The following SMYD3 variants were observed in gnomAD, a reference collection of about 807,000 sequenced individuals.
The protein encoded by SMYD3 is histone-lysine N-methyltransferase SMYD3.
A neutral mutation model predicts 57.7 loss-of-function variants in SMYD3; 36 were observed. That is an observed-to-expected ratio of 0.62 (90% CI 0.48 to 0.82). The LOEUF is 0.82. Among genes scored for constraint, SMYD3 ranks in the 40% least tolerant of loss-of-function variants. The pLI is 0.00. For missense variants in SMYD3, 515 were observed against 538.8 expected (o/e 0.96, Z 0.44); for synonymous variants, 211 against 195.0 (o/e 1.08, Z -0.68).
intron 5 of SMYD3, among the ~76,000 whole-genome samples, chr1:245,938,542 T>G (rs533066264): frequency 6.6e-6 from 1 of 152,370 alleles, no homozygotes; most frequent in East Asian, 1.9e-4. Flanking sequence ...TCCTTTATTT[T>G]TGGAAATATA....
chr1:246,425,844 T>G (rs922866676), intron 1 of SMYD3, among the ~76,000 whole-genome samples: 2 of 152,244 alleles, frequency 1.3e-5, no homozygotes, highest in African/African-American at 4.8e-5. Context: ...GAACAAGGGA[T>G]GCCTTTAGTT....
chr1:245,880,080 G>A (rs1356195276), intron 8 of SMYD3, among the ~76,000 whole-genome samples: 1 of 152,212 alleles, frequency 6.6e-6, no homozygotes, highest in African/African-American at 2.4e-5. Context: ...GTGCGTTGCT[G>A]TACACGCCAG....
rs1480876186 is a variant in SMYD3, at chr1:246,337,245, T to TA, written c.229-1772dup. ...AACACAATATCATGTTGACCCTACT[T>TA]AGAGATTCAAAATATACTTAGCATC... On this transcript the variant is annotated intron_variant, in intron 2 of 11. Coordinates refer to ENST00000490107, the MANE Select transcript of SMYD3 (RefSeq NM_001167740.2). Among the ~76,000 whole-genome samples the TA allele has an allele frequency of 2.0e-5, 3 of 152,312 alleles. No homozygotes were observed. In the South Asian group the frequency reaches 6.2e-4, roughly 32 times the overall value.
intron 5 of SMYD3, among the ~76,000 whole-genome samples, chr1:246,123,571 AACACACACACACAC>A (rs557543331): frequency 6.2e-4 from 80 of 129,574 alleles, no homozygotes; most frequent in East Asian, 2.1e-3. Context: ...TCCATCTCAA[AACACACACACACAC>A]ACACACACAC....
chr1:246,478,722 CATATAT>C (rs1461836694), intron 1 of SMYD3, among the ~76,000 whole-genome samples: 33 of 35,716 alleles, frequency 9.2e-4, no homozygotes, highest in South Asian at 4.5e-3. Context: ...CGTAAGTGCT[CATATAT>C]GCACACCTGT....
At chr1:246,298,803 G>GA (rs997447131) in intron 5 of SMYD3, among the ~76,000 whole-genome samples, 8 of 151,258 alleles carry the variant, frequency 5.3e-5, no homozygotes, top group Non-Finnish European at 8.9e-5. Flanking sequence ...ATTTCATGGG[G>GA]AAAAAAAAGA....
intron 1 of SMYD3, among the ~76,000 whole-genome samples, chr1:246,397,325 C>T (rs557839005): frequency 2.0e-5 from 3 of 152,318 alleles, no homozygotes; most frequent in Admixed American, 6.5e-5. Flanking sequence ...ATCCCCTGTC[C>T]TCCAGTCTGT....
chr1:246,106,638 G>A lies in SMYD3; in HGVS notation c.532-176701C>T, dbSNP rs190189299. Among the ~76,000 whole-genome samples the A allele has an allele frequency of 7.2e-5, 11 of 152,296 alleles. No homozygotes were observed. In the East Asian group the frequency reaches 2.1e-3, roughly 29 times the overall value. ...AGTCACTTAGGATTTCCGTGGTTAT[G>A]AAAGAAGAATTGAAACGTCTCTTCC... On this transcript the variant is annotated intron_variant, in intron 5 of 11. Transcript: ENST00000490107.
Position 245,957,717 on chromosome 1 carries a change from T to C in SMYD3, c.532-27780A>G, listed in dbSNP as rs145929892. Among the ~76,000 whole-genome samples the C allele has an allele frequency of 4.5e-3, 688 of 152,312 alleles. 5 individuals carry two copies. The highest frequency in any genetic ancestry group is 0.015 in the African/African-American group (639 of 41,562). On this transcript the variant is annotated intron_variant, in intron 5 of 11. Coordinates refer to ENST00000490107, the MANE Select transcript of SMYD3 (RefSeq NM_001167740.2). ...CTCCATATACGTCAACCAAATTAAA[T>C]AGCTTCCCTGACCTTTTGTCTACTT...
intron 1 of SMYD3, among the ~76,000 whole-genome samples, chr1:246,499,220 C>T (rs1161254093): frequency 6.6e-6 from 1 of 151,512 alleles, no homozygotes; most frequent in Non-Finnish European, 1.5e-5. Flanking sequence ...AGGACAATCG[C>T]TTGAACCCAG....
At chr1:246,157,460 G>C (rs1489621168) in intron 5 of SMYD3, among the ~76,000 whole-genome samples, 3 of 152,098 alleles carry the variant, frequency 2.0e-5, no homozygotes, top group Non-Finnish European at 4.4e-5. Flanking sequence ...AGGCATCATG[G>C]GTGGATCATC....
intron 1 of SMYD3, among the ~76,000 whole-genome samples, chr1:246,393,936 GA>G (rs1419422664): frequency 6.6e-6 from 1 of 152,100 alleles, no homozygotes; most frequent in African/African-American, 2.4e-5. Context: ...GGTGAAAATT[GA>G]AAACTAGCAT....
chr1:246,033,659 T>A (rs188453056), intron 5 of SMYD3, among the ~76,000 whole-genome samples: 8 of 152,122 alleles, frequency 5.3e-5, no homozygotes, highest in Non-Finnish European at 1.2e-4. Context: ...TGGTGGCGCG[T>A]GCCTGTAATC....
chr1:246,476,121 T>C lies in SMYD3; in HGVS notation c.164+30933A>G, dbSNP rs554320042. ...ATTCTAATGAATATGGACATTTTAT[T>C]CTATAATTACACATCAAAGTATACA... On this transcript the variant is annotated intron_variant, in intron 1 of 11. Coordinates refer to ENST00000490107, the MANE Select transcript of SMYD3 (RefSeq NM_001167740.2). 3.9e-5 allele frequency among the ~76,000 whole-genome samples: 6 copies of C among 152,374 alleles called. No individual in the cohort carries two copies. In the South Asian group the frequency reaches 1.0e-3, roughly 26 times the overall value.
At chr1:245,871,866 A>G (rs1245285495) in intron 8 of SMYD3, among the ~76,000 whole-genome samples, 1 of 152,230 alleles carries the variant, frequency 6.6e-6, no homozygotes. Context: ...GAGGCTGACT[A>G]GAGTCAGCTT....
At chr1:245,930,030 A>C in intron 5 of SMYD3, 93 bp from the exon 6 acceptor site, 1 of 1,027,984 alleles carries the variant, frequency 9.7e-7, no homozygotes, top group Admixed American at 1.8e-5. Flanking sequence ...CAAATGTAGG[A>C]GCATCTTAGT....
intron 5 of SMYD3, among the ~76,000 whole-genome samples, chr1:246,049,013 A>G (rs1455971297): frequency 1.3e-5 from 2 of 152,142 alleles, no homozygotes; most frequent in African/African-American, 4.8e-5. Context: ...GGATTTGGCT[A>G]GTTCTTAGTA....
intron 5 of SMYD3, among the ~76,000 whole-genome samples, chr1:246,015,689 A>G (rs2059364912): frequency 6.6e-6 from 1 of 152,176 alleles, no homozygotes. Context: ...AAATCATGCA[A>G]TATTTGCCCT....
intron 5 of SMYD3, among the ~76,000 whole-genome samples, chr1:246,061,742 A>G (rs2060255989): frequency 6.6e-6 from 1 of 152,188 alleles, no homozygotes; most frequent in Non-Finnish European, 1.5e-5. Flanking sequence ...AAATAATTTT[A>G]AAAGTTAAAG....
Sources: allele counts gnomAD v4.1 joint callset (sites outside exome capture counted in the v4.1 genomes callset), GRCh38; gene constraint gnomAD v4.1.1; transcripts MANE v1.5; gene names NCBI Gene and HGNC (gene_info 2026-07-23, HGNC 2026-07-21).